TCAF1: variants seen among roughly 807,000 people sequenced by gnomAD.
The protein encoded by TCAF1 is TRPM8 channel associated factor 1.
A neutral mutation model predicts 27.3 loss-of-function variants in TCAF1; 4 were observed. The ratio of observed to expected loss-of-function variants is 0.15; its 90% CI spans 0.07 to 0.34. The LOEUF (loss-of-function observed/expected upper bound fraction) is 0.34. Ranked by LOEUF, TCAF1 falls within the 10% of genes least tolerant of loss-of-function variation. The pLI, the probability that TCAF1 is intolerant of heterozygous loss-of-function variation, is 1.00. For missense variants in TCAF1, 257 were observed against 425.8 expected (o/e 0.60, Z 3.49); for synonymous variants, 105 against 167.1 (o/e 0.63, Z 2.87).
At chr7:143,879,999 C>A (rs781176478) in intron 1 of TCAF1, among the ~76,000 whole-genome samples, 32 of 152,106 alleles carry the variant, frequency 2.1e-4, no homozygotes, top group Middle Eastern at 3.2e-3. Context: ...TTTACATCCA[C>A]CTAGAAGAAT....
chr7:143,894,761 A>C (rs1034875153), intron 1 of TCAF1, among the ~76,000 whole-genome samples: 1 of 151,764 alleles, frequency 6.6e-6, no homozygotes, highest in Non-Finnish European at 1.5e-5. Flanking sequence ...TAAAAGACAT[A>C]ATTACCAATG....
chr7:143,893,375 G>A (rs1813737973), intron 1 of TCAF1, among the ~76,000 whole-genome samples: 1 of 152,076 alleles, frequency 6.6e-6, no homozygotes, highest in Non-Finnish European at 1.5e-5. Flanking sequence ...ATAAAAATCA[G>A]TAAGGATATA....
At chr7:143,897,854 A>C (rs1007257944) in intron 1 of TCAF1, among the ~76,000 whole-genome samples, 5 of 152,110 alleles carry the variant, frequency 3.3e-5, no homozygotes, top group African/African-American at 9.7e-5. Context: ...CATAAGGGAG[A>C]ATACTATTCA....
chr7:143,882,437 C>T (rs889778324), intron 1 of TCAF1: 15 of 985,308 alleles, frequency 1.5e-5, no homozygotes, highest in Non-Finnish European at 1.7e-5. Flanking sequence ...GTAACTCAAC[C>T]ACACAAAGCA....
chr7:143,892,022 T>C (rs551309463), intron 1 of TCAF1, among the ~76,000 whole-genome samples: 1 of 152,128 alleles, frequency 6.6e-6, no homozygotes, highest in African/African-American at 2.4e-5. Context: ...AGAAAAATAT[T>C]CCTCAAAAAT....
intron 1 of TCAF1, among the ~76,000 whole-genome samples, chr7:143,884,359 TAAAGG>T (rs1813275917): frequency 6.6e-6 from 1 of 152,036 alleles, no homozygotes; most frequent in Non-Finnish European, 1.5e-5. Flanking sequence ...AGGTTTTATG[TAAAGG>T]AAATGGCAGG....
intron 1 of TCAF1, among the ~76,000 whole-genome samples, chr7:143,897,904 A>G (rs1332637218): frequency 6.6e-6 from 1 of 152,150 alleles, no homozygotes; most frequent in Non-Finnish European, 1.5e-5. Context: ...AAAGGATAGT[A>G]CAGAAAAGTA....
intron 1 of TCAF1, among the ~76,000 whole-genome samples, chr7:143,888,934 G>C (rs1319773456): frequency 1.3e-5 from 2 of 151,778 alleles, no homozygotes; most frequent in African/African-American, 4.8e-5. Flanking sequence ...AAATAAAATA[G>C]AAACTAGAAA....
intron 1 of TCAF1, among the ~76,000 whole-genome samples, chr7:143,892,473 A>G (rs112766266): frequency 9.9e-5 from 15 of 152,150 alleles, no homozygotes; most frequent in African/African-American, 3.1e-4. Context: ...AGAGAAAATA[A>G]CAAAGAAGAA....
chr7:143,878,460 C>T (rs1425998744), intron 1 of TCAF1, among the ~76,000 whole-genome samples: 1 of 152,126 alleles, frequency 6.6e-6, no homozygotes, highest in Non-Finnish European at 1.5e-5. Flanking sequence ...TTCCACAAGC[C>T]AGGATAAAAT....
Position 143,888,797 on chromosome 7 carries a change from T to C in TCAF1, c.-14-12175A>G, listed in dbSNP as rs769736991. 9.3e-4 allele frequency among the ~76,000 whole-genome samples: 141 copies of C among 152,014 alleles called. 4 individuals carry two copies. Among genetic ancestry groups the C allele is most frequent in the Non-Finnish European group, 2.5e-4 (17 of 67,974 alleles). On this transcript the variant is annotated intron_variant, in intron 1 of 8. Transcript: ENST00000479870. Reference sequence around the variant, plus strand: ...CACATTAATAATTTTTAAAACCACATAACACTCAGGAAATAAAGCACAATG... The same window carrying C: ...CACATTAATAATTTTTAAAACCACACAACACTCAGGAAATAAAGCACAATG...
Position 143,853,241 on chromosome 7 carries a change from CT to C in TCAF1, c.*891del, listed in dbSNP as rs1811415407. On this transcript the variant is annotated 3_prime_UTR_variant, in exon 9 of 9. Coordinates refer to ENST00000479870, the MANE Select transcript of TCAF1 (RefSeq NM_014719.3). ...AGGACCACAGGCACATGCCACCATG[CT>C]TGGCTAATTTTTAAAAATTATTTTG... is the stretch of plus-strand genomic sequence containing the variant. The C allele has an allele frequency of 6.7e-6, 1 of 148,512 alleles. No individual in the cohort carries two copies. The highest frequency in any genetic ancestry group is 2.5e-5 in the African/African-American group (1 of 40,416). 9.2% of individuals were successfully genotyped at this position (148,512 alleles called of 1,614,324 possible). A position where few individuals can be genotyped will look rare whatever the true frequency, so the allele number is the denominator to read the frequency against.
chr7:143,891,397 G>A (rs541518417), intron 1 of TCAF1, among the ~76,000 whole-genome samples: 1 of 151,822 alleles, frequency 6.6e-6, no homozygotes, highest in East Asian at 1.9e-4. Context: ...TTAGAAACAA[G>A]GCTGTGGAAT....
Position 143,876,443 on chromosome 7 carries a change from G to C in TCAF1, c.166C>G (p.Arg56Gly). 6.2e-7 allele frequency: 1 copy of C among 1,609,360 alleles called. No individual in the cohort carries two copies. The highest frequency in any genetic ancestry group is 1.3e-5 in the African/African-American group (1 of 74,896). The change falls in exon 2 of 9, where the codon CGT (arginine) becomes GGT (glycine). Residue 56 changes from arginine to glycine, a missense_variant. Arg to Gly is a moderately radical substitution (Grantham distance 125, BLOSUM62 -2). Transcript: ENST00000479870. Reference protein sequence around the residue: ...QVLIAASSYGRGRLVVVSHED... With the variant: ...QVLIAASSYGGGRLVVVSHED... Reference sequence around the variant, plus strand: ...TGGGACACGACCACCAGGCGGCCACGGCCATAGGAGGAGGCAGCAATGAGG... The same window carrying C: ...TGGGACACGACCACCAGGCGGCCACCGCCATAGGAGGAGGCAGCAATGAGG...
At chr7:143,897,248 T>C (rs1422216606) in intron 1 of TCAF1, among the ~76,000 whole-genome samples, 1 of 149,130 alleles carries the variant, frequency 6.7e-6, no homozygotes, top group Non-Finnish European at 1.5e-5. Context: ...CTTCTGTCTC[T>C]GCCACCCCCA....
chr7:143,859,846 C>G (rs1455378276), intron 6 of TCAF1, among the ~76,000 whole-genome samples: 1 of 137,310 alleles, frequency 7.3e-6, no homozygotes, highest in Non-Finnish European at 1.5e-5. Flanking sequence ...GACATGCTGA[C>G]CTAAACTGTT....
At chr7:143,885,157 C>T in intron 1 of TCAF1, 1 of 985,568 alleles carries the variant, frequency 1.0e-6, no homozygotes, top group African/African-American at 1.7e-5. Flanking sequence ...CTGAATTGGT[C>T]CGTGTGCCCG....
At chr7:143,880,333 G>A (rs943540577) in intron 1 of TCAF1, among the ~76,000 whole-genome samples, 1 of 152,158 alleles carries the variant, frequency 6.6e-6, no homozygotes, top group African/African-American at 2.4e-5. Flanking sequence ...AAGTGGTGGT[G>A]GATCTAGGAT....
intron 1 of TCAF1, among the ~76,000 whole-genome samples, chr7:143,892,757 T>C (rs1161613972): frequency 6.6e-6 from 1 of 152,134 alleles, no homozygotes; most frequent in East Asian, 1.9e-4. Context: ...GATGATGTCA[T>C]GAGTGTGAAA....
Sources: gnomAD v4.1 joint callset for allele counts (sites outside exome capture counted in the v4.1 genomes callset) on GRCh38, gnomAD v4.1.1 for gene constraint, MANE v1.5 for transcripts, NCBI Gene and HGNC (gene_info 2026-07-23, HGNC 2026-07-21) for gene names.